KCNJ3: variants seen among roughly 807,000 people sequenced by gnomAD.
KCNJ3 encodes the protein G protein-activated inward rectifier potassium channel 1.
Under a neutral mutation model 39.2 loss-of-function variants are expected in KCNJ3, and 4 were observed. The observed-to-expected ratio is 0.10, with a 90% CI of 0.05 to 0.23. The LOEUF is 0.23. Among genes scored for constraint, KCNJ3 ranks in the 10% least tolerant of loss-of-function variants. The pLI, the probability that KCNJ3 is intolerant of heterozygous loss-of-function variation, is 1.00. For synonymous variants in KCNJ3, 230 were observed against 237.4 expected (o/e 0.97, Z 0.29); for missense variants, 276 against 634.9 (o/e 0.43, Z 6.08).
At chr2:154,834,274 A>G (rs1687412065) in intron 2 of KCNJ3, among the ~76,000 whole-genome samples, 1 of 151,970 alleles carries the variant, frequency 6.6e-6, no homozygotes, top group South Asian at 2.1e-4. Context: ...TTAGTTTGCA[A>G]TTTTCTGATG....
chr2:154,778,497 G>A (rs1161503070), intron 2 of KCNJ3, among the ~76,000 whole-genome samples: 2 of 152,070 alleles, frequency 1.3e-5, no homozygotes, highest in Non-Finnish European at 2.9e-5. Context: ...TACAATATCA[G>A]TCAGGGAGTG....
chr2:154,800,367 GT>G (rs1686798238), intron 2 of KCNJ3, among the ~76,000 whole-genome samples: 1 of 152,102 alleles, frequency 6.6e-6, no homozygotes, highest in Non-Finnish European at 1.5e-5. Context: ...AAGGTAATAG[GT>G]TTTCAATTTT....
At chr2:154,743,312 A>G (rs1161975617) in intron 2 of KCNJ3, among the ~76,000 whole-genome samples, 2 of 151,788 alleles carry the variant, frequency 1.3e-5, no homozygotes, top group South Asian at 2.1e-4. Context: ...TCTTCCATCA[A>G]TTGTTTTGGC....
At chr2:154,802,335 A>AT (rs1686834274) in intron 2 of KCNJ3, among the ~76,000 whole-genome samples, 1 of 152,118 alleles carries the variant, frequency 6.6e-6, no homozygotes, top group Non-Finnish European at 1.5e-5. Flanking sequence ...TTGGTTCCCC[A>AT]TGGCTTGGAT....
intron 2 of KCNJ3, among the ~76,000 whole-genome samples, chr2:154,758,856 G>T (rs1197248907): frequency 1.3e-5 from 2 of 152,186 alleles, no homozygotes; most frequent in East Asian, 3.8e-4. Flanking sequence ...AACCAGTTGA[G>T]AACCCACTTT....
At chr2:154,802,451 T>G (rs1389974726) in intron 2 of KCNJ3, among the ~76,000 whole-genome samples, 1 of 152,146 alleles carries the variant, frequency 6.6e-6, no homozygotes, top group Non-Finnish European at 1.5e-5. Context: ...TTTTTACAGC[T>G]GTATATTTTC....
chr2:154,802,361 G>A (rs1686834379), intron 2 of KCNJ3, among the ~76,000 whole-genome samples: 5 of 152,050 alleles, frequency 3.3e-5, no homozygotes, highest in Admixed American at 2.0e-4. Flanking sequence ...ATCTTAATCA[G>A]TATTATCGTT....
intron 2 of KCNJ3, among the ~76,000 whole-genome samples, chr2:154,753,425 C>G (rs373450760): frequency 1.3e-5 from 2 of 152,076 alleles, no homozygotes; most frequent in African/African-American, 4.8e-5. Flanking sequence ...TATGCACGTT[C>G]AAGATTGTAA....
chr2:154,838,359 G>A (rs2105126950), intron 2 of KCNJ3, among the ~76,000 whole-genome samples: 1 of 152,288 alleles, frequency 6.6e-6, no homozygotes, highest in South Asian at 2.1e-4. Flanking sequence ...CTCTAAAATT[G>A]AGGACCTGAG....
chr2:154,837,896 G>A (rs768818029), intron 2 of KCNJ3, among the ~76,000 whole-genome samples: 3 of 152,140 alleles, frequency 2.0e-5, no homozygotes, highest in Non-Finnish European at 4.4e-5. Flanking sequence ...GTTTAAAAAT[G>A]GAATTTAAGA....
At chr2:154,781,672 T>C (rs1465056287) in intron 2 of KCNJ3, among the ~76,000 whole-genome samples, 1 of 152,176 alleles carries the variant, frequency 6.6e-6, no homozygotes, top group Non-Finnish European at 1.5e-5. Context: ...GTCACTGATA[T>C]TGTAGGTTAA....
At chr2:154,846,087 T>G (rs1354209707) in intron 2 of KCNJ3, among the ~76,000 whole-genome samples, 1 of 152,178 alleles carries the variant, frequency 6.6e-6, no homozygotes, top group Non-Finnish European at 1.5e-5. Flanking sequence ...TCAATTATAT[T>G]TTTGAGAAAG....
intron 2 of KCNJ3, among the ~76,000 whole-genome samples, chr2:154,853,430 A>C (rs1687788603): frequency 6.6e-6 from 1 of 152,128 alleles, no homozygotes; most frequent in Admixed American, 6.6e-5. Flanking sequence ...CCCTTCCTTC[A>C]AACTATGCCA....
At chr2:154,826,545 A>T (rs10176998) in intron 2 of KCNJ3, among the ~76,000 whole-genome samples, 2,081 of 152,314 alleles carry the variant, frequency 0.014, 39 homozygotes, top group African/African-American at 0.037. Flanking sequence ...TTTACTAAAA[A>T]TTGTCATTAA....
intron 2 of KCNJ3, among the ~76,000 whole-genome samples, chr2:154,739,218 G>T (rs1433833383): frequency 6.6e-6 from 1 of 151,974 alleles, no homozygotes; most frequent in Non-Finnish European, 1.5e-5. Context: ...GCAAAAAGAG[G>T]TCTTAAATTA....
chr2:154,742,377 C>T (rs1685668678), intron 2 of KCNJ3, among the ~76,000 whole-genome samples: 1 of 151,704 alleles, frequency 6.6e-6, no homozygotes, highest in Non-Finnish European at 1.5e-5. Flanking sequence ...GCTTTCAGGT[C>T]TTTTGGGTGT....
At chr2:154,706,353 A>G (rs1685009684) in intron 1 of KCNJ3, among the ~76,000 whole-genome samples, 1 of 152,130 alleles carries the variant, frequency 6.6e-6, no homozygotes, top group Non-Finnish European at 1.5e-5. Context: ...CACAATGAAG[A>G]AAGGTCAAAC....
At chr2:154,730,656 A>G (rs1685434049) in intron 2 of KCNJ3, among the ~76,000 whole-genome samples, 1 of 152,124 alleles carries the variant, frequency 6.6e-6, no homozygotes, top group Non-Finnish European at 1.5e-5. Flanking sequence ...TTTAACTACC[A>G]ATGAATTTTG....
chr2:154,815,043 A>G (rs958214066), intron 2 of KCNJ3, among the ~76,000 whole-genome samples: 6 of 152,240 alleles, frequency 3.9e-5, no homozygotes, highest in Non-Finnish European at 8.8e-5. Flanking sequence ...TTGTGTGTAT[A>G]CGGTATGCTG....
Sources: allele counts gnomAD v4.1 joint callset (sites outside exome capture counted in the v4.1 genomes callset), GRCh38; gene constraint gnomAD v4.1.1; transcripts MANE v1.5; gene names NCBI Gene and HGNC (gene_info 2026-07-23, HGNC 2026-07-21).